The following ECT2L variants were observed in gnomAD, a reference collection of about 807,000 sequenced individuals.
ECT2L encodes epithelial cell transforming 2 like.
ECT2L carries 126 observed loss-of-function variants against 122.8 expected under a neutral mutation model. The ratio of observed to expected loss-of-function variants is 1.03; its 90% CI spans 0.89 to 1.19. The LOEUF (loss-of-function observed/expected upper bound fraction) is 1.19, where lower values mean the gene tolerates loss of function less well. Among genes scored for constraint, ECT2L ranks in the 50% most tolerant of loss-of-function variants. The probability of loss-of-function intolerance (pLI) is 0.00; values close to 1 mark genes in which losing one functional copy is unlikely to be tolerated. For missense variants in ECT2L, 1,012 were observed against 1,064.1 expected (o/e 0.95, Z 0.68); for synonymous variants, 385 against 381.8 (o/e 1.01, Z -0.10).
chr6:138,842,562 G>C lies in ECT2L; in HGVS notation c.343-417G>C, dbSNP rs560227381. Among the ~76,000 whole-genome samples the C allele has an allele frequency of 3.6e-3, 551 of 152,260 alleles. 1 individual carries two copies. Among genetic ancestry groups the C allele is most frequent in the Admixed American group, 6.7e-3 (103 of 15,296 alleles). On this transcript the variant is annotated intron_variant, in intron 5 of 21. Transcript: ENST00000541398. Reference sequence around the variant, plus strand: ...CAAGGTGGGCGGATCACGAGGTCAGGAGATGGAGACCATCCTGGCTAACAC... The same window carrying C: ...CAAGGTGGGCGGATCACGAGGTCAGCAGATGGAGACCATCCTGGCTAACAC...
At position 138,900,951 on chromosome 6, in the gene ECT2L, C is replaced by G. The variant is rs1779375055; in HGVS notation, c.2418C>G (p.Leu806=). 6.2e-7 allele frequency: 1 copy of G among 1,613,622 alleles called. No individual in the cohort carries two copies. Among genetic ancestry groups the G allele is most frequent in the Non-Finnish European group, 8.5e-7 (1 of 1,179,884 alleles). The change falls in exon 21 of 22, where the codon CTC becomes CTG. Residue 806 remains leucine (L), a synonymous_variant. Coordinates refer to ENST00000541398, the MANE Select transcript of ECT2L (RefSeq NM_001077706.3). ...TACCTTCTCCATTTTAACACAGGCT[C>G]TATGAACACATCCATGATCTCAGCC... The part of the protein sequence containing the change: ...CDEEISFSLR[L]YEHIHDLSLF...
chr6:138,825,060 T>C (rs1423640919), intron 4 of ECT2L, among the ~76,000 whole-genome samples: 1 of 152,048 alleles, frequency 6.6e-6, no homozygotes, highest in Non-Finnish European at 1.5e-5. Flanking sequence ...GCTATGACTG[T>C]GAGAAGTGAC....
rs1234310919 is a variant in ECT2L, at chr6:138,844,431, A to G, written c.615A>G (p.Arg205=). 6.2e-7 allele frequency: 1 copy of G among 1,613,306 alleles called. No homozygotes were observed. The highest frequency in any genetic ancestry group is 1.7e-5 in the Admixed American group (1 of 59,920). Residue 205 remains arginine, a synonymous_variant, in exon 7 of 22, where the codon CGA becomes CGG. Coordinates refer to ENST00000541398, the MANE Select transcript of ECT2L (RefSeq NM_001077706.3). ...ALRKKELFKV[R]PPWVSGTCCS... is the part of the protein sequence containing the mutation. ...TTTCAGAGGAGTTATTCAAAGTTCG[A>G]CCCCCTTGGGTGAGTGGAACTTGCT...
chr6:138,851,947 T>A (rs991604583), intron 9 of ECT2L, among the ~76,000 whole-genome samples: 2 of 152,204 alleles, frequency 1.3e-5, no homozygotes, highest in Non-Finnish European at 2.9e-5. Flanking sequence ...AGGAAAGGAA[T>A]GGCTGATATC....
At chr6:138,809,324 G>T (rs1194769860) in intron 1 of ECT2L, among the ~76,000 whole-genome samples, 1 of 152,148 alleles carries the variant, frequency 6.6e-6, no homozygotes, top group Non-Finnish European at 1.5e-5. Context: ...CACTTTGGGA[G>T]GCCGAGGCAC....
At chr6:138,806,236 T>A (rs1562449438) in intron 1 of ECT2L, among the ~76,000 whole-genome samples, 2 of 152,200 alleles carry the variant, frequency 1.3e-5, no homozygotes, top group South Asian at 4.1e-4. Context: ...TATTTCAAAA[T>A]TTCTTGGTCC....
intron 20 of ECT2L, among the ~76,000 whole-genome samples, chr6:138,896,517 C>T (rs1161188502): frequency 6.6e-6 from 1 of 152,168 alleles, no homozygotes; most frequent in Non-Finnish European, 1.5e-5. Context: ...GACTTTGGTC[C>T]AGAATTGACT....
intron 10 of ECT2L, among the ~76,000 whole-genome samples, chr6:138,860,704 G>A (rs1284821337): frequency 7.6e-6 from 1 of 131,846 alleles, no homozygotes; most frequent in African/African-American, 2.8e-5. Context: ...CACTGAAGGG[G>A]CTATTTTTTT....
In ECT2L at chr6:138,846,694, G is replaced by A. The variant is rs751466778; in HGVS notation, c.903+17G>A. 8 of 1,569,936 alleles carry A rather than the reference G, an allele frequency of 5.1e-6. No homozygotes were observed. In the Admixed American group the frequency reaches 1.3e-4, roughly 26 times the overall value. On this transcript the variant is annotated intron_variant, in intron 8 of 21. Transcript: ENST00000541398. ...GCGTATGAGGTAGAGTATGTTATGA[G>A]GCCAGTCCTGTCCTGATTGTTTTTT...
At chr6:138,848,448 A>ATGACCTT (rs1777310035) in intron 8 of ECT2L, among the ~76,000 whole-genome samples, 1 of 152,182 alleles carries the variant, frequency 6.6e-6, no homozygotes, top group African/African-American at 2.4e-5. Flanking sequence ...AAGCACAAAG[A>ATGACCTT]TGACCTTTGT....
chr6:138,796,665 A>G (rs1775356210), intron 1 of ECT2L, among the ~76,000 whole-genome samples: 1 of 152,204 alleles, frequency 6.6e-6, no homozygotes, highest in Admixed American at 6.5e-5. Flanking sequence ...GGTCTTGGTT[A>G]TAAGGATAGC....
intron 4 of ECT2L, among the ~76,000 whole-genome samples, chr6:138,837,547 T>C (rs562812301): frequency 1.3e-5 from 2 of 151,734 alleles, no homozygotes; most frequent in South Asian, 2.1e-4. Context: ...TCGCATAATA[T>C]AGTGTGTTAG....
rs183926550 is a variant in ECT2L at position 138,829,943 on chromosome 6, C to T, written c.180-8409C>T. Among the ~76,000 whole-genome samples, 23 of 152,236 alleles carry T rather than the reference C, an allele frequency of 1.5e-4. 1 individual carries two copies. Among genetic ancestry groups the T allele is most frequent in the African/African-American group, 5.5e-4 (23 of 41,552 alleles). ...TTCACCATGTTAGCCAGGCTGGTCT[C>T]AAACTCCTGTCCTGAAGCGATCTGC... On this transcript the variant is annotated intron_variant, in intron 4 of 21. Transcript: ENST00000541398.
At chr6:138,859,818 T>C (rs1448267131) in intron 10 of ECT2L, among the ~76,000 whole-genome samples, 9 of 151,626 alleles carry the variant, frequency 5.9e-5, no homozygotes, top group African/African-American at 1.9e-4. Flanking sequence ...TTCTTTTTTT[T>C]TTTCTTCTTT....
rs148391551 is a variant in ECT2L, at chr6:138,885,382, T to C, written c.2029-124T>C. 1.1e-3 allele frequency: 933 copies of C among 835,594 alleles called. 7 individuals carry two copies. The African/African-American group carries it at 0.013, about 12-fold the overall frequency. 51.8% of individuals were successfully genotyped at this position (835,594 alleles called of 1,614,324 possible). A position where few individuals can be genotyped will look rare whatever the true frequency, so the allele number is the denominator to read the frequency against. On this transcript the variant is annotated intron_variant, in intron 16 of 21. Coordinates refer to ENST00000541398, the MANE Select transcript of ECT2L (RefSeq NM_001077706.3). ...ACCAATGGCACTACTAACAGTCTAC[T>C]AATTGGTTAGACATAGATGTTGCCC...
chr6:138,837,539 G>T (rs10872496), intron 4 of ECT2L, among the ~76,000 whole-genome samples: 31,475 of 151,594 alleles, frequency 0.21, 3,890 homozygotes, highest in Middle Eastern at 0.29. Context: ...TAAATAAATC[G>T]CATAATATAG....
At chr6:138,878,306 T>TATACACACACACACACAC (rs139026623) in intron 14 of ECT2L, among the ~76,000 whole-genome samples, 3 of 150,218 alleles carry the variant, frequency 2.0e-5, no homozygotes, top group African/African-American at 7.4e-5. Context: ...CATATATATA[T>TATACACACACACACACAC]ACACACACAC....
chr6:138,835,222 C>T (rs1392807299), intron 4 of ECT2L, among the ~76,000 whole-genome samples: 1 of 151,936 alleles, frequency 6.6e-6, no homozygotes, highest in Non-Finnish European at 1.5e-5. Context: ...TGTCTTTATC[C>T]CTTTCACCTG....
intron 4 of ECT2L, among the ~76,000 whole-genome samples, chr6:138,818,454 C>A (rs938423388): frequency 6.6e-6 from 1 of 152,110 alleles, no homozygotes; most frequent in African/African-American, 2.4e-5. Flanking sequence ...TTTTCAGAGA[C>A]AACATACTCC....
Sources: allele counts gnomAD v4.1 joint callset (sites outside exome capture counted in the v4.1 genomes callset), GRCh38; gene constraint gnomAD v4.1.1; transcripts MANE v1.5; gene names NCBI Gene and HGNC (gene_info 2026-07-23, HGNC 2026-07-21).